The following COL22A1 variants were observed in gnomAD, a reference collection of about 807,000 sequenced individuals.
The protein encoded by COL22A1 is collagen alpha-1(XXII) chain.
A neutral mutation model predicts 248.9 loss-of-function variants in COL22A1; 221 were observed. The observed-to-expected ratio is 0.89, with a 90% CI of 0.80 to 0.99. The LOEUF is 0.99. COL22A1 is among the 50% of genes least tolerant of loss of function. COL22A1 has a pLI of 0.00. For missense variants in COL22A1, 2,240 were observed against 2,179.0 expected, an observed-to-expected ratio of 1.03 and a Z score of -0.56; for synonymous variants, 891 against 793.4, an observed-to-expected ratio of 1.12 and a Z score of -2.07.
intron 3 of COL22A1, among the ~76,000 whole-genome samples, chr8:138,846,578 C>T (rs1215777437): frequency 6.6e-6 from 1 of 152,150 alleles, no homozygotes; most frequent in Non-Finnish European, 1.5e-5. Context: ...TAAGTCAGAA[C>T]AAATAGCTTC....
chr8:138,614,599 C>A (rs995994272), intron 55 of COL22A1, among the ~76,000 whole-genome samples: 1 of 152,196 alleles, frequency 6.6e-6, no homozygotes. Flanking sequence ...GCGAGCTGAC[C>A]TCAGTCACAT....
intron 12 of COL22A1, among the ~76,000 whole-genome samples, chr8:138,789,132 C>T (rs1207999373): frequency 2.6e-5 from 4 of 152,198 alleles, no homozygotes; most frequent in Non-Finnish European, 4.4e-5. Context: ...GAGTGTCAGA[C>T]GGAGCTAGAG....
At chr8:138,737,421 G>T in intron 23 of COL22A1, 103 bp downstream of exon 23, 2 of 813,580 alleles carry the variant, frequency 2.5e-6, no homozygotes, top group South Asian at 1.4e-5. Context: ...TTGATGAGGT[G>T]ACCAGCAGGA....
intron 53 of COL22A1, among the ~76,000 whole-genome samples, chr8:138,618,790 A>G (rs2131927348): frequency 6.6e-6 from 1 of 152,322 alleles, no homozygotes; most frequent in South Asian, 2.1e-4. Context: ...AACAATTTTG[A>G]AATTATGAAG....
At chr8:138,765,584 G>A (rs983377103) in intron 16 of COL22A1, among the ~76,000 whole-genome samples, 1 of 152,226 alleles carries the variant, frequency 6.6e-6, no homozygotes, top group African/African-American at 2.4e-5. Context: ...ACAATTCCAT[G>A]TATAATGGAA....
At chr8:138,611,706 A>AC (rs1040321024) in intron 56 of COL22A1, among the ~76,000 whole-genome samples, 1 of 152,190 alleles carries the variant, frequency 6.6e-6, no homozygotes, top group Non-Finnish European at 1.5e-5. Context: ...GAGAGCTCAC[A>AC]CCCAGGGAGC....
intron 3 of COL22A1, among the ~76,000 whole-genome samples, chr8:138,851,294 C>T (rs1035520127): frequency 1.3e-5 from 2 of 152,130 alleles, no homozygotes; most frequent in Non-Finnish European, 2.9e-5. Context: ...GGAGAGGCTT[C>T]GCTTATCATG....
intron 52 of COL22A1, 101 bp from the exon 53 acceptor site, chr8:138,619,609 T>A: frequency 8.9e-7 from 1 of 1,117,406 alleles, no homozygotes; most frequent in Non-Finnish European, 1.4e-6. Flanking sequence ...CACAAGCCAG[T>A]TTCTATCCAC....
intron 10 of COL22A1, among the ~76,000 whole-genome samples, chr8:138,806,188 GA>G (rs1355891090): frequency 1.3e-5 from 1 of 79,818 alleles, no homozygotes; most frequent in Non-Finnish European, 3.0e-5. Flanking sequence ...AATGGTGTGT[GA>G]TGGTGTGTGT....
In COL22A1 at chr8:138,636,780, G is replaced by A. The variant is rs765086524; in HGVS notation, c.3517C>T (p.Arg1173Cys). Residue 1173 changes from arginine to cysteine, a missense_variant, in exon 48 of 65, where the codon CGT becomes TGT. Coordinates refer to ENST00000303045, the MANE Select transcript of COL22A1 (RefSeq NM_152888.3). ...IAGPQGSQGE[R>C]GADGEVGQKG... is the part of the protein sequence containing the mutation. ...TGCCCAACCTCACCATCTGCACCAC[G>A]TTCTCCTTGACTTCCCTTGAAAGGA... 21 of 1,613,010 alleles carry A rather than the reference G, an allele frequency of 1.3e-5. No homozygotes were observed. The highest frequency in any genetic ancestry group is 4.5e-5 in the East Asian group (2 of 44,882).
At chr8:138,811,601 A>G (rs1023385037) in intron 9 of COL22A1, among the ~76,000 whole-genome samples, 198 bp downstream of exon 9, 3 of 152,272 alleles carry the variant, frequency 2.0e-5, no homozygotes, top group African/African-American at 4.8e-5. Context: ...GAAAGCTTTC[A>G]TCAGGACCTG....
rs1823907643 is a variant in COL22A1 at position 138,878,302 on chromosome 8, G to A, written c.106C>T (p.His36Tyr). ...TCCAGGAGGAAGACCAGATCGTAGTGGACACTTTTGCAACCTGCAGGGGTG... is the reference window on the plus strand; with the variant it reads ...TCCAGGAGGAAGACCAGATCGTAGTAGACACTTTTGCAACCTGCAGGGGTG... ...QAQRAGCKSV[H>Y]YDLVFLLDTS... is the part of the protein sequence containing the mutation. Residue 36 changes from histidine to tyrosine, a missense_variant, in exon 3 of 65, where the codon CAC becomes TAC. Physicochemically the swap from His to Tyr is moderately conservative, Grantham distance 83 (BLOSUM62 2). Transcript: ENST00000303045. 6.5e-7 allele frequency: 1 copy of A among 1,549,894 alleles called. No individual in the cohort carries two copies. Among genetic ancestry groups the A allele is most frequent in the Non-Finnish European group, 8.7e-7 (1 of 1,146,478 alleles).
intron 41 of COL22A1, among the ~76,000 whole-genome samples, chr8:138,667,900 C>G (rs1172189400): frequency 1.3e-5 from 2 of 151,848 alleles, no homozygotes; most frequent in East Asian, 1.9e-4. Context: ...CAGATCAAGC[C>G]TCTAGGTCTG....
intron 11 of COL22A1, 22 bp from the exon 12 acceptor site, chr8:138,796,879 A>C (rs546334148): frequency 6.6e-7 from 1 of 1,521,742 alleles, no homozygotes; most frequent in East Asian, 2.2e-5. Flanking sequence ...AAAGAAGGCA[A>C]AGATTCACTA....
chr8:138,696,085 G>T (rs576794313), intron 32 of COL22A1, among the ~76,000 whole-genome samples: 15 of 152,204 alleles, frequency 9.9e-5, no homozygotes, highest in Non-Finnish European at 1.3e-4. Context: ...CACATAGGGT[G>T]AAGGTCAATG....
intron 4 of COL22A1, among the ~76,000 whole-genome samples, chr8:138,842,127 A>T (rs1820928593): frequency 6.6e-6 from 1 of 152,202 alleles, no homozygotes; most frequent in Non-Finnish European, 1.5e-5. Context: ...GCAAATCCTC[A>T]TTCCGCCACA....
intron 12 of COL22A1, among the ~76,000 whole-genome samples, chr8:138,785,057 G>T (rs771731769): frequency 4.6e-5 from 7 of 152,116 alleles, no homozygotes; most frequent in Non-Finnish European, 8.8e-5. Context: ...ACTTTCTCAT[G>T]GCTACCAGGG....
intron 1 of COL22A1, among the ~76,000 whole-genome samples, chr8:138,909,971 T>G (rs776459363): frequency 1.5e-4 from 23 of 152,206 alleles, no homozygotes; most frequent in Non-Finnish European, 2.6e-4. Context: ...GGGGGAAATC[T>G]TGTCACAAAC....
rs201218549 is a variant in COL22A1 at position 138,703,362 on chromosome 8, G to A, written c.2518-15C>T. The A allele has an allele frequency of 1.5e-4, 243 of 1,611,996 alleles. 1 individual carries two copies. The highest frequency in any genetic ancestry group is 1.6e-4 in the Non-Finnish European group (193 of 1,178,252). Reference sequence around the variant, plus strand: ...CCAGCTTCACCCTAGATGGAGAAATGGAAAATCCATGACCATTAATCTTCC... The same window carrying A: ...CCAGCTTCACCCTAGATGGAGAAATAGAAAATCCATGACCATTAATCTTCC... On this transcript the variant is annotated splice_polypyrimidine_tract_variant and intron_variant, in intron 30 of 64. Coordinates refer to ENST00000303045, the MANE Select transcript of COL22A1 (RefSeq NM_152888.3).
Sources: allele counts gnomAD v4.1 joint callset (sites outside exome capture counted in the v4.1 genomes callset), GRCh38; gene constraint gnomAD v4.1.1; transcripts MANE v1.5; gene names NCBI Gene and HGNC (gene_info 2026-07-23, HGNC 2026-07-21).